Variants in CACNA2D4 observed in about 807,000 individuals in gnomAD.
The protein encoded by CACNA2D4 is voltage-dependent calcium channel subunit alpha-2/delta-4.
A neutral mutation model predicts 163.8 loss-of-function variants in CACNA2D4; 157 were observed. The observed-to-expected ratio is 0.96, with a 90% CI of 0.84 to 1.09. The LOEUF is 1.09. Among genes scored for constraint, CACNA2D4 ranks in the 50% least tolerant of loss-of-function variants. The pLI is 0.00. For synonymous variants in CACNA2D4, 598 were observed against 586.9 expected, an observed-to-expected ratio of 1.02 and a Z score of -0.27; for missense variants, 1,410 against 1,479.9, an observed-to-expected ratio of 0.95 and a Z score of 0.78.
intron 29 of CACNA2D4, among the ~76,000 whole-genome samples, chr12:1,809,924 GATC>G: frequency 6.6e-6 from 1 of 152,230 alleles, no homozygotes; most frequent in East Asian, 1.9e-4. Context: ...AGTGTGCTTG[GATC>G]CTTGTGGGGA....
At position 1,875,280 on chromosome 12, in the gene CACNA2D4, CG is replaced by C. The variant is rs757752425; in HGVS notation, c.1776del (p.Glu593LysfsTer11). 5.6e-6 allele frequency: 9 copies of C among 1,611,952 alleles called. No individual in the cohort carries two copies. Among genetic ancestry groups the C allele is most frequent in the Non-Finnish European group, 7.6e-6 (9 of 1,179,080 alleles). On this transcript the variant is annotated frameshift_variant, in exon 17 of 38. Transcript: ENST00000382722. LOFTEE classifies it high-confidence loss of function. This position sits in a 1 kb window ranked among gnomAD's most constrained non-coding sequence, Gnocchi z 4.0. The part of the protein sequence containing the change: ...PKPNYNSVDL[S>X]EVEWEDQAES... ...TCAGCCTGGTCTTCCCACTCCACTTCGGAGAGATCCACACTGTTGTAGTTAG... is the reference window on the plus strand; with the variant it reads ...TCAGCCTGGTCTTCCCACTCCACTTCGAGAGATCCACACTGTTGTAGTTAG...
At chr12:1,887,286 A>C (rs529389674) in intron 6 of CACNA2D4, among the ~76,000 whole-genome samples, 2 of 152,332 alleles carry the variant, frequency 1.3e-5, no homozygotes, top group Admixed American at 1.3e-4. Flanking sequence ...GCTGGGGGTA[A>C]TTTCACAGGT....
At chr12:1,914,038 G>A (rs1170979645) in intron 2 of CACNA2D4, among the ~76,000 whole-genome samples, 1 of 152,212 alleles carries the variant, frequency 6.6e-6, no homozygotes, top group Non-Finnish European at 1.5e-5. Context: ...TGGCCTGTGG[G>A]GGCCCGGGGA....
At chr12:1,816,603 C>T (rs1389790578) in intron 26 of CACNA2D4, among the ~76,000 whole-genome samples, 2 of 152,224 alleles carry the variant, frequency 1.3e-5, no homozygotes, top group Non-Finnish European at 2.9e-5. Context: ...CTCAGCTCCG[C>T]TGGCAGACAA....
intron 30 of CACNA2D4, 103 bp downstream of exon 30, chr12:1,801,471 G>T: frequency 1.0e-6 from 1 of 984,376 alleles, no homozygotes; most frequent in South Asian, 1.4e-5. Context: ...GGCACCCACT[G>T]TGGGTTTTGG....
At position 1,844,968 on chromosome 12, in the gene CACNA2D4, C is replaced by T. The variant is rs1865111351; in HGVS notation, c.2343-439G>A. 6.6e-6 allele frequency among the ~76,000 whole-genome samples: 1 copy of T among 151,810 alleles called. No homozygotes were observed. Among genetic ancestry groups the T allele is most frequent in the Non-Finnish European group, 1.5e-5 (1 of 67,990 alleles). On this transcript the variant is annotated intron_variant, in intron 24 of 37. Coordinates refer to ENST00000382722, the MANE Select transcript of CACNA2D4 (RefSeq NM_172364.5). The surrounding 1 kb of genome is among the most constrained non-coding windows in gnomAD (Gnocchi z 4.2). Reference sequence around the variant, plus strand: ...AGGTTTTTGCATACATTATGAGTTTCCTTTTTTTGAGCAGCTTTACCTTGC... The same window carrying T: ...AGGTTTTTGCATACATTATGAGTTTTCTTTTTTTGAGCAGCTTTACCTTGC...
chr12:1,908,120 G>C, intron 4 of CACNA2D4, 83 bp from the exon 5 acceptor site: 1 of 1,394,438 alleles, frequency 7.2e-7, no homozygotes, highest in South Asian at 1.3e-5. Flanking sequence ...GCGCAGGTGA[G>C]AGGACGAGAG....
chr12:1,874,534 G>A lies in CACNA2D4; in HGVS notation c.1878+70C>T, dbSNP rs1356622580. 1.5e-5 allele frequency: 16 copies of A among 1,075,956 alleles called. No homozygotes were observed. Among genetic ancestry groups the A allele is most frequent in the Admixed American group, 1.8e-5 (1 of 57,074 alleles). The allele number at this position is 1,075,956 out of a possible 1,614,324, so 66.7% of individuals were successfully genotyped here. A position where few individuals can be genotyped will look rare whatever the true frequency, so the allele number is the denominator to read the frequency against. On this transcript the variant is annotated intron_variant, in intron 18 of 37. Transcript: ENST00000382722. This position sits in a 1 kb window ranked among gnomAD's most constrained non-coding sequence, Gnocchi z 4.4. ...TAATTAGGCTAAGTCCAGGTCCCTC[G>A]TCACTACTCCAAACCCAATTAATGA...
chr12:1,827,357 C>T (rs555104986), intron 26 of CACNA2D4: 36 of 152,994 alleles, frequency 2.4e-4, no homozygotes, highest in South Asian at 6.2e-4. Context: ...GCTGCCTCAG[C>T]GCCCCTACTC....
In CACNA2D4 at chr12:1,914,890, A is replaced by G. The variant is rs1866926311; in HGVS notation, c.273T>C (p.Thr91=). The stretch of plus-strand genomic sequence containing the variant: ...AGAGAGAGCCTGAGTATTTGGTCAC[A>G]GTGTTATACAGGTCCCCGCCGAAGG... ...ADTFGGDLYN[T]VTKYSGSLLL... is the part of the protein sequence containing the mutation. Residue 91 remains threonine (T), a synonymous_variant, in exon 2 of 38, where the codon ACT becomes ACC. Coordinates refer to ENST00000382722, the MANE Select transcript of CACNA2D4 (RefSeq NM_172364.5). 6.2e-7 allele frequency: 1 copy of G among 1,613,740 alleles called. No homozygotes were observed. Among genetic ancestry groups the G allele is most frequent in the African/African-American group, 1.3e-5 (1 of 74,892 alleles).
At chr12:1,861,990 C>T (rs191497517) in intron 18 of CACNA2D4, among the ~76,000 whole-genome samples, 4 of 152,298 alleles carry the variant, frequency 2.6e-5, no homozygotes, top group Admixed American at 6.5e-5. Flanking sequence ...ACAAAAACTG[C>T]GTCTGGCTTC....
At chr12:1,797,202 C>A (rs1188872827) in intron 35 of CACNA2D4, among the ~76,000 whole-genome samples, 1 of 152,234 alleles carries the variant, frequency 6.6e-6, no homozygotes, top group African/African-American at 2.4e-5. Context: ...CGGTCCCCAG[C>A]CGTCCTGCCC....
rs554833230 is a variant in CACNA2D4 at position 1,811,023 on chromosome 12, C to T, written c.2614-436G>A. Among the ~76,000 whole-genome samples the T allele has an allele frequency of 2.4e-3, 360 of 152,302 alleles. 1 individual carries two copies. Among genetic ancestry groups the T allele is most frequent in the African/African-American group, 8.0e-3 (334 of 41,574 alleles). On this transcript the variant is annotated intron_variant, in intron 27 of 37. Transcript: ENST00000382722. ...CTTTGTGGGCTCTGTGGGGCTCCTG[C>T]ACTGGCTGTCTGGTTGAGGCGGTGG...
chr12:1,885,053 C>G lies in CACNA2D4; in HGVS notation c.1092G>C (p.Glu364Asp). 6.2e-7 allele frequency: 1 copy of G among 1,613,978 alleles called. No homozygotes were observed. Among genetic ancestry groups the G allele is most frequent in the South Asian group, 1.1e-5 (1 of 91,072 alleles). Reference protein sequence around the residue: ...NREHFKLLVEELMVKGVGVVD... With the variant: ...NREHFKLLVEDLMVKGVGVVD... ...CGACCCCCACACCTTTGACCATCAA[C>G]TCCTCCACCAGCAGTTTGAAATGCT... Residue 364 changes from glutamate to aspartate, a missense_variant, in exon 10 of 38, where the codon GAG (glutamate) becomes GAC (aspartate). Transcript: ENST00000382722.
In CACNA2D4 at chr12:1,907,544, A is replaced by G. The variant is rs201011107; in HGVS notation, c.677T>C (p.Met226Thr). The change falls in exon 6 of 38, where the codon ATG becomes ACG. Residue 226 changes from methionine (M) to threonine (T), a missense_variant. Transcript: ENST00000382722. Reference sequence around the variant, plus strand: ...GAAGACAGCATTCAAGGCTTCAGACATGTAGACTCCATTTAAAATATCTGG... The same window carrying G: ...GAAGACAGCATTCAAGGCTTCAGACGTGTAGACTCCATTTAAAATATCTGG... ...KDPDILNGVY[M>T]SEALNAVFVE... is the part of the protein sequence containing the mutation. 1.9e-6 allele frequency: 3 copies of G among 1,613,248 alleles called. No individual in the cohort carries two copies. Among genetic ancestry groups the G allele is most frequent in the African/African-American group, 2.7e-5 (2 of 75,058 alleles).
Position 1,833,522 on chromosome 12 carries a change from A to G in CACNA2D4, c.2551+7217T>C, listed in dbSNP as rs1340705769. 6.6e-6 allele frequency among the ~76,000 whole-genome samples: 1 copy of G among 151,958 alleles called. No homozygotes were observed. Among genetic ancestry groups the G allele is most frequent in the Admixed American group, 6.6e-5 (1 of 15,266 alleles). ...CCCAGGTACCCACACCTCCTCATCAACACCAGCCTCCTCTCCTTGGCCTCG... is the reference window on the plus strand; with the variant it reads ...CCCAGGTACCCACACCTCCTCATCAGCACCAGCCTCCTCTCCTTGGCCTCG... On this transcript the variant is annotated intron_variant, in intron 26 of 37. Coordinates refer to ENST00000382722, the MANE Select transcript of CACNA2D4 (RefSeq NM_172364.5). The surrounding 1 kb of genome is among the most constrained non-coding windows in gnomAD (Gnocchi z 4.2).
Position 1,860,222 on chromosome 12 carries a change from A to G in CACNA2D4, c.1879-16T>C. ...GAACTCGCTTCTGAAAGAGTAGACAAGGAAAGAGTGCTCACGCAGAGAAGA... is the reference window on the plus strand; with the variant it reads ...GAACTCGCTTCTGAAAGAGTAGACAGGGAAAGAGTGCTCACGCAGAGAAGA... On this transcript the variant is annotated splice_polypyrimidine_tract_variant and intron_variant, in intron 18 of 37. Transcript: ENST00000382722. The G allele has an allele frequency of 6.2e-7, 1 of 1,609,806 alleles. No individual in the cohort carries two copies. The highest frequency in any genetic ancestry group is 8.5e-7 in the Non-Finnish European group (1 of 1,176,772).
chr12:1,878,261 T>TAA lies in CACNA2D4; in HGVS notation c.1719+53_1719+54insTT. On this transcript the variant is annotated intron_variant, in intron 16 of 37. Transcript: ENST00000382722. This position sits in a 1 kb window ranked among gnomAD's most constrained non-coding sequence, Gnocchi z 4.6. ...TGTTGTTTTAATCGTTTTTGTGAAT[T>TAA]ACCCCCAAATCCCATACAGTAAGGA... The TAA allele has an allele frequency of 6.4e-7, 1 of 1,562,384 alleles. No individual in the cohort carries two copies. Among genetic ancestry groups the TAA allele is most frequent in the Non-Finnish European group, 8.7e-7 (1 of 1,151,104 alleles).
intron 23 of CACNA2D4, among the ~76,000 whole-genome samples, chr12:1,846,943 C>T (rs577295740): frequency 1.3e-5 from 2 of 152,358 alleles, no homozygotes; most frequent in Admixed American, 6.5e-5. Flanking sequence ...CTCTCTGCCT[C>T]GGCAGATCTA....
Sources: gnomAD v4.1 joint callset for allele counts (sites outside exome capture counted in the v4.1 genomes callset) on GRCh38, gnomAD v4.1.1 for gene constraint, Gnocchi (gnomAD v3.1) non-coding constraint, MANE v1.5 for transcripts, NCBI Gene and HGNC (gene_info 2026-07-23, HGNC 2026-07-21) for gene names.